Variants in KLF8 observed in about 807,000 individuals in gnomAD.
The protein encoded by KLF8 is Krueppel-like factor 8.
Under a neutral mutation model 18.2 loss-of-function variants are expected in KLF8, and 10 were observed. The observed-to-expected ratio is 0.55, with a 90% CI of 0.34 to 0.93. The LOEUF (loss-of-function observed/expected upper bound fraction) is 0.93. KLF8 is among the 40% of genes least tolerant of loss of function. KLF8 has a pLI of 0.02. For missense variants in KLF8, 264 were observed against 277.9 expected (o/e 0.95, Z 0.36); for synonymous variants, 109 against 97.3 (o/e 1.12, Z -0.71).
At chrX:56,080,435 T>C in the KLF8 span, among the ~76,000 whole-genome samples, 2 of 111,435 alleles carry the variant, frequency 1.8e-5, no homozygotes, top group African/African-American at 3.3e-5. Context: ...TATGAAATTC[T>C]GGGTTGAAAA....
the KLF8 span, among the ~76,000 whole-genome samples, chrX:56,221,145 T>C: frequency 1.2e-4 from 14 of 112,066 alleles, no homozygotes; most frequent in Non-Finnish European, 2.1e-4. Context: ...AGCTCTAAAA[T>C]GGGAAAAAAT....
At chrX:56,231,965 G>C, upstream of KLF8, among the ~76,000 whole-genome samples, 1 of 110,646 alleles carries the variant, frequency 9.0e-6, no homozygotes, top group Non-Finnish European at 1.9e-5. Flanking sequence ...GTTCCTTTTA[G>C]CTTCCTCCCT....
chrX:56,076,725 C>T, the KLF8 span, among the ~76,000 whole-genome samples: 1 of 111,748 alleles, frequency 8.9e-6, no homozygotes, highest in Non-Finnish European at 1.9e-5. Context: ...CACTGACTTC[C>T]ACAATGGTTG....
chrX:56,269,420 G>A lies in KLF8; in HGVS notation c.689G>A (p.Ser230Asn). ...PTSMSPLEIP[S>N]DSEESTIESG... Reference sequence around the variant, plus strand: ...TCCATGTCTCCACTGGAAATTCCAAGTGACAGTGAGGAGAGTACAATTGAG... The same window carrying A: ...TCCATGTCTCCACTGGAAATTCCAAATGACAGTGAGGAGAGTACAATTGAG... Residue 230 changes from serine to asparagine, a missense_variant, in exon 4 of 6, where the codon AGT becomes AAT. Ser to Asn is a conservative substitution (Grantham distance 46). Transcript: ENST00000468660. 1 of 1,209,468 alleles carries A rather than the reference G, an allele frequency of 8.3e-7. No individual in the cohort carries two copies.
chrX:56,078,820 G>T, the KLF8 span, among the ~76,000 whole-genome samples: 2 of 110,945 alleles, frequency 1.8e-5, no homozygotes, highest in African/African-American at 3.3e-5. Context: ...CAGTTTCAGA[G>T]CCTGTTATTG....
At chrX:56,265,044 C>A in intron 2 of KLF8, 136 bp from the exon 3 acceptor site, 1 of 728,191 alleles carries the variant, frequency 1.4e-6, no homozygotes, top group Admixed American at 4.6e-5. Context: ...CTTTAGTTTA[C>A]TCCTGCCTTA....
chrX:55,915,609 A>G, the KLF8 span, among the ~76,000 whole-genome samples: 2 of 112,253 alleles, frequency 1.8e-5, no homozygotes, highest in South Asian at 3.7e-4. Context: ...CAAAATTTGA[A>G]TTAATTGCCA....
At chrX:55,953,927 T>TTA in the KLF8 span, among the ~76,000 whole-genome samples, 1 of 109,369 alleles carries the variant, frequency 9.1e-6, no homozygotes, top group Admixed American at 9.8e-5. Context: ...AACAATCAAA[T>TTA]TATATATATA....
intron 1 of KLF8, among the ~76,000 whole-genome samples, chrX:56,247,037 C>T (rs1174318623): frequency 9.0e-6 from 1 of 111,539 alleles, no homozygotes; most frequent in African/African-American, 3.3e-5. Context: ...TTATTCATCC[C>T]TTAATGAAGG....
At chrX:56,147,982 C>G in the KLF8 span, among the ~76,000 whole-genome samples, 1 of 111,954 alleles carries the variant, frequency 8.9e-6, no homozygotes, top group Non-Finnish European at 1.9e-5. Context: ...TGTCTCAAAA[C>G]AAAACAAAAC....
the KLF8 span, among the ~76,000 whole-genome samples, chrX:56,071,139 C>A: frequency 9.0e-6 from 1 of 111,666 alleles, no homozygotes; most frequent in Non-Finnish European, 1.9e-5. Flanking sequence ...ATAACCTCAG[C>A]AGAAGCATTT....
chrX:56,057,714 C>T, the KLF8 span, among the ~76,000 whole-genome samples: 2 of 111,134 alleles, frequency 1.8e-5, no homozygotes, highest in African/African-American at 3.3e-5. Context: ...GACAAGAACA[C>T]CCTGCAGAGT....
the KLF8 span, among the ~76,000 whole-genome samples, chrX:56,092,814 C>T: frequency 9.2e-6 from 1 of 108,729 alleles, no homozygotes; most frequent in Admixed American, 1.0e-4. Context: ...GCAAGACTGT[C>T]TGAGTAATGT....
At chrX:56,156,200 T>G in the KLF8 span, among the ~76,000 whole-genome samples, 2 of 112,531 alleles carry the variant, frequency 1.8e-5, no homozygotes, top group African/African-American at 6.4e-5. Flanking sequence ...TTCTTTGATG[T>G]TATATCAAAA....
chrX:56,162,436 T>C, the KLF8 span, among the ~76,000 whole-genome samples: 1 of 111,987 alleles, frequency 8.9e-6, no homozygotes, highest in Non-Finnish European at 1.9e-5. Flanking sequence ...GTTTCCCAGC[T>C]GCTTTGTTTA....
In KLF8 at chrX:56,236,592, C is replaced by A. The variant is rs187205758; in HGVS notation, c.7+3251C>A. Among the ~76,000 whole-genome samples, 37 of 111,495 alleles carry A rather than the reference C, an allele frequency of 3.3e-4. No homozygotes were observed. In the East Asian group the frequency reaches 9.5e-3, roughly 29 times the overall value. ...GCGAGACGTGCAAACAATTAGCCTA[C>A]AGACCAACTAAAGCTCACACGTGTT... On this transcript the variant is annotated intron_variant, in intron 1 of 5. Transcript: ENST00000468660.
chrX:55,909,868 T>G, the KLF8 span, among the ~76,000 whole-genome samples: 2 of 112,140 alleles, frequency 1.8e-5, no homozygotes, highest in Non-Finnish European at 3.8e-5. Context: ...CCTTCCACTG[T>G]TAAAGAAGAG....
the KLF8 span, among the ~76,000 whole-genome samples, chrX:56,067,263 C>A: frequency 9.5e-6 from 1 of 105,660 alleles, no homozygotes; most frequent in Non-Finnish European, 2.0e-5. Context: ...CATCTTAAAG[C>A]TTCTTCCCAA....
At chrX:56,077,337 T>C in the KLF8 span, among the ~76,000 whole-genome samples, 9 of 112,140 alleles carry the variant, frequency 8.0e-5, no homozygotes, top group Non-Finnish European at 1.5e-4. Flanking sequence ...AAGGAAGGGA[T>C]CCAGTTTCAG....
Sources: allele counts gnomAD v4.1 joint callset (sites outside exome capture counted in the v4.1 genomes callset), GRCh38; gene constraint gnomAD v4.1.1; transcripts MANE v1.5; gene names NCBI Gene and HGNC (gene_info 2026-07-23, HGNC 2026-07-21).